TUBGCP3: variants seen among roughly 807,000 people sequenced by gnomAD.
The protein encoded by TUBGCP3 is tubulin gamma complex component 3, also known as gamma-tubulin complex component 3.
A neutral mutation model predicts 123.1 loss-of-function variants in TUBGCP3; 50 were observed. The observed-to-expected ratio is 0.41, with a 90% confidence interval of 0.32 to 0.51. The LOEUF is 0.51. TUBGCP3 is among the 20% of genes least tolerant of loss of function. The pLI is 0.36. For synonymous variants in TUBGCP3, 405 were observed against 413.9 expected, an observed-to-expected ratio of 0.98 and a Z score of 0.26; for missense variants, 882 against 1,127.0, an observed-to-expected ratio of 0.78 and a Z score of 3.11.
At chr13:112,551,086 G>A (rs540283368) in intron 8 of TUBGCP3, among the ~76,000 whole-genome samples, 19 of 151,824 alleles carry the variant, frequency 1.3e-4, no homozygotes, top group South Asian at 1.0e-3. Flanking sequence ...GTGACAGAGC[G>A]AGACGACTCC....
chr13:112,552,753 T>G (rs1879685194), intron 8 of TUBGCP3, among the ~76,000 whole-genome samples: 1 of 151,216 alleles, frequency 6.6e-6, no homozygotes, highest in South Asian at 2.1e-4. Context: ...AGCACACTCC[T>G]CCCCACCAGC....
intron 1 of TUBGCP3, among the ~76,000 whole-genome samples, chr13:112,573,186 C>T (rs1881546528): frequency 6.6e-6 from 1 of 150,568 alleles, no homozygotes; most frequent in Admixed American, 6.7e-5. Context: ...TAATGGCCTA[C>T]GAGATTAGAC....
At chr13:112,540,539 A>C (rs111898239) in intron 11 of TUBGCP3, among the ~76,000 whole-genome samples, 1 of 146,382 alleles carries the variant, frequency 6.8e-6, no homozygotes, top group Non-Finnish European at 1.5e-5. Flanking sequence ...GCCTATGAGC[A>C]TTCAGGTGGT....
chr13:112,492,004 TG>T (rs1880132122), intron 20 of TUBGCP3, among the ~76,000 whole-genome samples: 1 of 152,082 alleles, frequency 6.6e-6, no homozygotes, highest in Admixed American at 6.6e-5. Flanking sequence ...GGTTTGAGGG[TG>T]ATAATCTTCT....
intron 17 of TUBGCP3, among the ~76,000 whole-genome samples, chr13:112,512,053 G>A (rs1465516862): frequency 6.6e-6 from 1 of 152,206 alleles, no homozygotes; most frequent in Non-Finnish European, 1.5e-5. Flanking sequence ...AAATAATTGA[G>A]TGTCTAGTGT....
At chr13:112,566,842 A>AC (rs1462644398) in intron 2 of TUBGCP3, among the ~76,000 whole-genome samples, 1 of 152,198 alleles carries the variant, frequency 6.6e-6, no homozygotes, top group Non-Finnish European at 1.5e-5. Flanking sequence ...AATGTACCCC[A>AC]CCTGCCAGTG....
chr13:112,502,511 A>G (rs1443669391), intron 19 of TUBGCP3, among the ~76,000 whole-genome samples: 6 of 151,302 alleles, frequency 4.0e-5, no homozygotes, highest in Non-Finnish European at 8.8e-5. Context: ...AGAGGTTTCA[A>G]GGGCCTCAAA....
At chr13:112,602,632 TC>T in the TUBGCP3 span, among the ~76,000 whole-genome samples, 9 of 152,234 alleles carry the variant, frequency 5.9e-5, no homozygotes, top group African/African-American at 2.2e-4. Flanking sequence ...AAACATTTGT[TC>T]TTTGTCATAT....
chr13:112,500,769 G>A (rs930977908), intron 19 of TUBGCP3, among the ~76,000 whole-genome samples: 2 of 152,214 alleles, frequency 1.3e-5, no homozygotes, highest in African/African-American at 2.4e-5. Flanking sequence ...TACAGTTAAT[G>A]AAGACATTTG....
Position 112,519,426 on chromosome 13 carries a change from T to C in TUBGCP3, c.1882-383A>G, listed in dbSNP as rs145078891. On this transcript the variant is annotated intron_variant, in intron 15 of 21. Coordinates refer to ENST00000261965, the MANE Select transcript of TUBGCP3 (RefSeq NM_006322.6). The surrounding 1 kb of genome is among the most constrained non-coding windows in gnomAD (Gnocchi z 6.2). ...TGATCTTCCATCACAACTAAGTAAA[T>C]AGTGGGTTTATGTTCATAATAACCA... Among the ~76,000 whole-genome samples, 207 of 152,308 alleles carry C rather than the reference T, an allele frequency of 1.4e-3. No individual in the cohort carries two copies. Among genetic ancestry groups the C allele is most frequent in the African/African-American group, 4.8e-3 (200 of 41,576 alleles).
At chr13:112,549,858 C>T (rs932302658) in intron 8 of TUBGCP3, among the ~76,000 whole-genome samples, 3 of 151,774 alleles carry the variant, frequency 2.0e-5, no homozygotes, top group Admixed American at 6.6e-5. Flanking sequence ...GGCGTGTTGG[C>T]GGGTGCCTGT....
chr13:112,578,158 C>A (rs1881983462), intron 1 of TUBGCP3, among the ~76,000 whole-genome samples: 1 of 152,160 alleles, frequency 6.6e-6, no homozygotes. Context: ...GGGCATAAAA[C>A]CCCTCGTGGC....
At chr13:112,565,261 T>A in intron 2 of TUBGCP3, 83 bp from the exon 3 acceptor site, 3 of 1,205,414 alleles carry the variant, frequency 2.5e-6, no homozygotes, top group Non-Finnish European at 2.4e-6. Context: ...TACAACACCA[T>A]AACTCGCAAG....
chr13:112,555,689 A>G (rs1287675425), intron 6 of TUBGCP3, among the ~76,000 whole-genome samples: 2 of 152,226 alleles, frequency 1.3e-5, no homozygotes, highest in African/African-American at 4.8e-5. Context: ...TGGTAGAAGA[A>G]GGTGACTTTT....
chr13:112,534,836 T>C (rs2139123081), intron 11 of TUBGCP3, among the ~76,000 whole-genome samples: 1 of 152,334 alleles, frequency 6.6e-6, no homozygotes, highest in Middle Eastern at 3.4e-3. Flanking sequence ...TAGTGGCTTC[T>C]AGTATATTCA....
chr13:112,598,684 C>A, the TUBGCP3 span, among the ~76,000 whole-genome samples: 1 of 152,028 alleles, frequency 6.6e-6, no homozygotes, highest in African/African-American at 2.4e-5. Context: ...GTGGCTCATG[C>A]CTGTAATCCG....
intron 20 of TUBGCP3, among the ~76,000 whole-genome samples, chr13:112,498,412 T>C (rs1880663595): frequency 6.6e-6 from 1 of 152,362 alleles, no homozygotes; most frequent in South Asian, 2.1e-4. Flanking sequence ...GGTAATTTTA[T>C]ATATTTTTTA....
chr13:112,533,577 T>C (rs954990229), intron 11 of TUBGCP3, among the ~76,000 whole-genome samples: 4 of 151,978 alleles, frequency 2.6e-5, no homozygotes, highest in African/African-American at 7.3e-5. Flanking sequence ...CAATTATAAA[T>C]GTGACTAACA....
chr13:112,574,553 A>G (rs1222118586), intron 1 of TUBGCP3, among the ~76,000 whole-genome samples: 1 of 152,274 alleles, frequency 6.6e-6, no homozygotes, highest in African/African-American at 2.4e-5. Flanking sequence ...ACTCTTGGTG[A>G]AACAGAAACT....
Sources: allele counts gnomAD v4.1 joint callset (sites outside exome capture counted in the v4.1 genomes callset), GRCh38; gene constraint gnomAD v4.1.1; non-coding constraint Gnocchi (gnomAD v3.1); transcripts MANE v1.5; gene names NCBI Gene and HGNC (gene_info 2026-07-23, HGNC 2026-07-21).